STXBP5L: variants seen among roughly 807,000 people sequenced by gnomAD.
The protein encoded by STXBP5L is syntaxin binding protein 5L, also known as syntaxin-binding protein 5-like.
A neutral mutation model predicts 144.5 loss-of-function variants in STXBP5L; 65 were observed. That is an observed-to-expected ratio of 0.45 (90% CI 0.37 to 0.55). The LOEUF (loss-of-function observed/expected upper bound fraction) is 0.55. Ranked by LOEUF, STXBP5L falls within the 20% of genes least tolerant of loss-of-function variation. The pLI is 0.00. For synonymous variants in STXBP5L, 505 were observed against 469.6 expected (o/e 1.08, Z -0.97); for missense variants, 1,298 against 1,405.5 (o/e 0.92, Z 1.22).
chr3:121,130,060 C>A (rs1320812072), intron 7 of STXBP5L, among the ~76,000 whole-genome samples: 1 of 152,014 alleles, frequency 6.6e-6, no homozygotes, highest in African/African-American at 2.4e-5. Flanking sequence ...TTATATCACC[C>A]AAAAGTCTGC....
chr3:121,159,661 G>A (rs1028947809), intron 9 of STXBP5L, among the ~76,000 whole-genome samples: 10 of 132,704 alleles, frequency 7.5e-5, no homozygotes, highest in South Asian at 2.4e-4. Context: ...ACGGAGTCTC[G>A]CTCTTTCGCC....
chr3:121,114,816 G>A, intron 5 of STXBP5L, 109 bp from the exon 6 acceptor site: 1 of 638,660 alleles, frequency 1.6e-6, no homozygotes, highest in East Asian at 3.3e-5. Context: ...TGAGTATATA[G>A]TACATTTTAT....
chr3:121,267,890 TAA>T (rs879100250), intron 18 of STXBP5L, among the ~76,000 whole-genome samples: 1 of 152,150 alleles, frequency 6.6e-6, no homozygotes, highest in Non-Finnish European at 1.5e-5. Flanking sequence ...TGGTGATTAT[TAA>T]AAAGTCAGGA....
intron 3 of STXBP5L, among the ~76,000 whole-genome samples, chr3:121,011,917 C>A (rs1944802826): frequency 6.6e-6 from 1 of 151,700 alleles, no homozygotes; most frequent in Non-Finnish European, 1.5e-5. Flanking sequence ...TAGAACATTT[C>A]CATCACTCCA....
At chr3:121,178,709 T>G (rs756050977) in intron 9 of STXBP5L, among the ~76,000 whole-genome samples, 10 of 152,056 alleles carry the variant, frequency 6.6e-5, no homozygotes, top group Non-Finnish European at 1.2e-4. Context: ...GGAATGGATT[T>G]AGGGAATGGT....
chr3:121,273,080 C>G (rs1282087451), intron 18 of STXBP5L, among the ~76,000 whole-genome samples: 3 of 152,132 alleles, frequency 2.0e-5, no homozygotes, highest in East Asian at 1.9e-4. Context: ...GTGAATTTAA[C>G]TATAAATTTA....
At chr3:120,971,370 C>T (rs1038757686) in intron 3 of STXBP5L, among the ~76,000 whole-genome samples, 6 of 148,220 alleles carry the variant, frequency 4.0e-5, no homozygotes, top group South Asian at 2.1e-4. Context: ...ATCCTTCACC[C>T]GCACCCCCCC....
intron 5 of STXBP5L, among the ~76,000 whole-genome samples, chr3:121,102,584 C>A (rs2043488334): frequency 6.6e-6 from 1 of 152,018 alleles, no homozygotes; most frequent in African/African-American, 2.4e-5. Flanking sequence ...AATATCAGAC[C>A]TCAAACTATA....
chr3:121,001,653 A>T (rs1247515733), intron 3 of STXBP5L, among the ~76,000 whole-genome samples: 1 of 152,098 alleles, frequency 6.6e-6, no homozygotes, highest in East Asian at 1.9e-4. Context: ...CTCCATGCCT[A>T]TTTAACTCAT....
chr3:120,955,442 T>C (rs1268433971), intron 3 of STXBP5L, among the ~76,000 whole-genome samples: 3 of 152,074 alleles, frequency 2.0e-5, no homozygotes, highest in Admixed American at 6.6e-5. Flanking sequence ...GGGGTTTAAT[T>C]TGATCTTCTT....
chr3:121,019,907 G>T (rs1224955656), intron 3 of STXBP5L, among the ~76,000 whole-genome samples: 3 of 152,076 alleles, frequency 2.0e-5, no homozygotes, highest in African/African-American at 7.2e-5. Context: ...ACCAGCAATG[G>T]ATCCAAACCA....
intron 20 of STXBP5L, among the ~76,000 whole-genome samples, chr3:121,346,671 G>A (rs944625696): frequency 1.3e-5 from 2 of 152,180 alleles, no homozygotes; most frequent in Non-Finnish European, 1.5e-5. Context: ...GTATCTCATT[G>A]TGGTTTTGAT....
chr3:121,130,212 T>C (rs1577027653), intron 7 of STXBP5L, among the ~76,000 whole-genome samples: 1 of 152,112 alleles, frequency 6.6e-6, no homozygotes, highest in African/African-American at 2.4e-5. Flanking sequence ...TAAAATGTTC[T>C]ATTGGAAAGC....
intron 9 of STXBP5L, among the ~76,000 whole-genome samples, chr3:121,199,120 C>A (rs1433446358): frequency 1.3e-5 from 2 of 152,064 alleles, no homozygotes; most frequent in African/African-American, 4.8e-5. Context: ...CATGAGCATA[C>A]AATTTTTTTC....
chr3:121,341,653 G>C (rs2044717308), intron 20 of STXBP5L, among the ~76,000 whole-genome samples: 2 of 152,078 alleles, frequency 1.3e-5, no homozygotes, highest in African/African-American at 2.4e-5. Flanking sequence ...AGAAAATATG[G>C]TAGATATACA....
At chr3:121,041,059 TC>T (rs1947114768) in intron 3 of STXBP5L, among the ~76,000 whole-genome samples, 1 of 147,138 alleles carries the variant, frequency 6.8e-6, no homozygotes, top group African/African-American at 2.5e-5. Context: ...GTTTTCTCAT[TC>T]TTTTTTTTTT....
intron 18 of STXBP5L, among the ~76,000 whole-genome samples, chr3:121,273,424 T>C (rs1256806224): frequency 1.3e-5 from 2 of 152,160 alleles, no homozygotes; most frequent in African/African-American, 4.8e-5. Flanking sequence ...TACTATTCTC[T>C]TACTGCTTTC....
intron 7 of STXBP5L, among the ~76,000 whole-genome samples, chr3:121,148,445 T>C (rs1205280695): frequency 6.6e-6 from 1 of 152,132 alleles, no homozygotes; most frequent in Non-Finnish European, 1.5e-5. Context: ...ATTATAAAAA[T>C]CTCTTGGTAC....
Position 121,351,718 on chromosome 3 carries a change from C to A in STXBP5L, c.2177-26998C>A, listed in dbSNP as rs183821260. On this transcript the variant is annotated intron_variant, in intron 20 of 26. Coordinates refer to ENST00000471454, the MANE Select transcript of STXBP5L (RefSeq NM_001308330.2). The stretch of plus-strand genomic sequence containing the variant: ...ATTAGATCCCATTTGTCTATTTTGG[C>A]TTTTGTTGCCATTGCTTTTGGTGTT... Among the ~76,000 whole-genome samples, 27 of 152,188 alleles carry A rather than the reference C, an allele frequency of 1.8e-4. No homozygotes were observed. In the Middle Eastern group the frequency reaches 0.01, roughly 58 times the overall value.
Sources: gnomAD v4.1 joint callset for allele counts (sites outside exome capture counted in the v4.1 genomes callset) on GRCh38, gnomAD v4.1.1 for gene constraint, MANE v1.5 for transcripts, NCBI Gene and HGNC (gene_info 2026-07-23, HGNC 2026-07-21) for gene names.